Variants in CDH23 observed in about 807,000 individuals in gnomAD.
CDH23 encodes the protein cadherin-23.
CDH23 carries 189 observed loss-of-function variants against 317.1 expected under a neutral mutation model. The ratio of observed to expected loss-of-function variants is 0.60; its 90% CI spans 0.53 to 0.67. The LOEUF (loss-of-function observed/expected upper bound fraction) is 0.67, where lower values mean the gene tolerates loss of function less well. Among genes scored for constraint, CDH23 ranks in the 30% least tolerant of loss-of-function variants. The pLI, the probability that CDH23 is intolerant of heterozygous loss-of-function variation, is 0.00. For missense variants in CDH23, 4,401 were observed against 4,592.4 expected (o/e 0.96, Z 1.20); for synonymous variants, 1,839 against 1,876.8 (o/e 0.98, Z 0.52).
At chr10:71,447,900 A>G (rs759668549) in intron 3 of CDH23, among the ~76,000 whole-genome samples, 15 of 152,216 alleles carry the variant, frequency 9.9e-5, no homozygotes, top group Non-Finnish European at 1.9e-4. Flanking sequence ...TGGAGCCAAC[A>G]TAGCAGCACA....
At chr10:71,752,091 C>T (rs1226979212) in intron 38 of CDH23, 1 of 683,014 alleles carries the variant, frequency 1.5e-6, no homozygotes, top group Non-Finnish European at 2.7e-6. Flanking sequence ...AGAACAGACC[C>T]CAGCTCCTCC....
intron 1 of CDH23, among the ~76,000 whole-genome samples, chr10:71,425,333 A>G (rs1039526000): frequency 8.1e-6 from 1 of 124,202 alleles, no homozygotes; most frequent in Non-Finnish European, 1.7e-5. Context: ...AAGAAAGAAC[A>G]AAGAATAGTC....
At chr10:71,716,216 G>T in intron 28 of CDH23, 4 of 1,551,116 alleles carry the variant, frequency 2.6e-6, no homozygotes, top group Non-Finnish European at 3.5e-6. Context: ...GCAGGCCAGG[G>T]CGATGAGCAT....
chr10:71,615,316 G>A (rs1371700208), intron 9 of CDH23, among the ~76,000 whole-genome samples, 188 bp from the exon 10 acceptor site: 1 of 152,220 alleles, frequency 6.6e-6, no homozygotes, highest in African/African-American at 2.4e-5. Flanking sequence ...ACCCGTTGCT[G>A]TCTGCCGGCT....
intron 38 of CDH23, among the ~76,000 whole-genome samples, chr10:71,764,115 T>C (rs1252535438): frequency 6.6e-6 from 1 of 152,180 alleles, no homozygotes; most frequent in Non-Finnish European, 1.5e-5. Flanking sequence ...GGAAAGTGGT[T>C]GGACTGAAGT....
At chr10:71,458,420 C>T (rs7900305) in intron 3 of CDH23, among the ~76,000 whole-genome samples, 59,830 of 152,190 alleles carry the variant, frequency 0.39, 12,952 homozygotes, top group East Asian at 0.6. Context: ...CGTGTGACCA[C>T]AGGCAAGTCC....
At chr10:71,407,985 AC>A (rs1439254219) in intron 1 of CDH23, among the ~76,000 whole-genome samples, 1 of 152,200 alleles carries the variant, frequency 6.6e-6, no homozygotes, top group Non-Finnish European at 1.5e-5. Flanking sequence ...AGTTGCGATA[AC>A]CTAAAAATCG....
Position 71,813,332 on chromosome 10 carries a change from A to C in CDH23, c.9722A>C (p.His3241Pro), listed in dbSNP as rs2133010029. Reference protein sequence around the residue: ...QRMVQKASSCHSSISELIQTE... With the variant: ...QRMVQKASSCPSSISELIQTE... The stretch of plus-strand genomic sequence containing the variant: ...ATGGTGCAAAAAGCCTCCTCCTGCC[A>C]CTCCTCCATCTCTGAGGTAGCCGGC... Residue 3241 changes from histidine (H) to proline (P), a missense_variant, in exon 69 of 70, where the codon CAC becomes CCC. Around this residue, in one of 3 missense-constraint regions of CDH23, gnomAD observed 1,144 missense variants for 1,138.2 expected, o/e 1.01. Coordinates refer to ENST00000224721, the MANE Select transcript of CDH23 (RefSeq NM_022124.6). The C allele has an allele frequency of 6.4e-7, 1 of 1,551,106 alleles. No individual in the cohort carries two copies. Among genetic ancestry groups the C allele is most frequent in the Non-Finnish European group, 8.7e-7 (1 of 1,146,852 alleles).
intron 26 of CDH23, chr10:71,707,432 G>A (rs1424252930): frequency 2.4e-6 from 3 of 1,264,298 alleles, no homozygotes; most frequent in Non-Finnish European, 3.0e-6. Context: ...ATCCTTCCTT[G>A]GGGACCTGTT....
chr10:71,542,723 G>T (rs796446193), intron 6 of CDH23, among the ~76,000 whole-genome samples: 15 of 152,364 alleles, frequency 9.8e-5, no homozygotes, highest in African/African-American at 3.4e-4. Context: ...ACAGCCTGGT[G>T]CCCTGAGGGA....
In CDH23 at chr10:71,777,793, C is replaced by T. The variant is rs1239867222; in HGVS notation, c.4959C>T (p.Ser1653=). The change falls in exon 39 of 70, where the codon AGC becomes AGT. Residue 1653 remains serine (S), a synonymous_variant. Coordinates refer to ENST00000224721, the MANE Select transcript of CDH23 (RefSeq NM_022124.6). The part of the protein sequence containing the change: ...LDEGPDTLNT[S]LITIQALDLD... The stretch of plus-strand genomic sequence containing the variant: ...AGGGCCCAGACACGCTCAACACCAG[C>T]CTCATCACCATCCAGGCACTGGACC... The T allele has an allele frequency of 4.3e-6, 7 of 1,613,840 alleles. No homozygotes were observed. The highest frequency in any genetic ancestry group is 5.9e-6 in the Non-Finnish European group (7 of 1,179,884).
intron 38 of CDH23, chr10:71,748,465 C>G (rs1437066891): frequency 6.6e-6 from 1 of 152,276 alleles, no homozygotes; most frequent in African/African-American, 2.4e-5. Flanking sequence ...GCAAAACCCT[C>G]CAAATGGTGC....
chr10:71,690,586 T>A lies in CDH23; in HGVS notation c.2176+2T>A. 6.3e-7 allele frequency: 1 copy of A among 1,582,428 alleles called. No homozygotes were observed. The highest frequency in any genetic ancestry group is 2.3e-5 in the East Asian group (1 of 43,382). ...AGTTTCGGATCAATGCCCGCTCAGG[T>A]GAGCCCCCCCACCCCAAGTACCCTG... On this transcript the variant is annotated splice_donor_variant, in intron 20 of 69. Transcript: ENST00000224721. LOFTEE classifies it high-confidence loss of function.
chr10:71,542,984 G>C (rs1564642848), intron 6 of CDH23, among the ~76,000 whole-genome samples: 1 of 152,262 alleles, frequency 6.6e-6, no homozygotes, highest in Non-Finnish European at 1.5e-5. Context: ...TTGGATGGGA[G>C]TGCCCTTGCC....
At chr10:71,610,506 T>C (rs536111472) in intron 9 of CDH23, among the ~76,000 whole-genome samples, 1 of 152,350 alleles carries the variant, frequency 6.6e-6, no homozygotes, top group African/African-American at 2.4e-5. Flanking sequence ...TTGCTAGCCA[T>C]GTGACCTTAG....
At position 71,702,640 on chromosome 10, in the gene CDH23, GC is replaced by G; in HGVS notation, c.2681del (p.Pro894LeufsTer28). 6.2e-7 allele frequency: 1 copy of G among 1,613,962 alleles called. No individual in the cohort carries two copies. Among genetic ancestry groups the G allele is most frequent in the Non-Finnish European group, 8.5e-7 (1 of 1,179,886 alleles). On this transcript the variant is annotated frameshift_variant, in exon 24 of 70. Coordinates refer to ENST00000224721, the MANE Select transcript of CDH23 (RefSeq NM_022124.6). LOFTEE classifies it high-confidence loss of function. ...ACAATGACCCCACCTTTCAGAACCT[GC>G]CTTTTGTGGCCGAGGTGCTTGAAGG... ...NDNDPTFQNL[P>X]FVAEVLEGIP...
intron 9 of CDH23, among the ~76,000 whole-genome samples, chr10:71,602,579 A>C (rs1860291733): frequency 6.6e-6 from 1 of 152,070 alleles, no homozygotes; most frequent in Admixed American, 6.5e-5. Context: ...TAGGATTTGG[A>C]GGGAAGTTTC....
intron 3 of CDH23, among the ~76,000 whole-genome samples, chr10:71,503,899 A>T (rs1184176493): frequency 1.3e-5 from 2 of 152,164 alleles, no homozygotes; most frequent in African/African-American, 2.4e-5. Flanking sequence ...GGCAGCCACA[A>T]ACTTGTCCTG....
At chr10:71,548,152 T>C (rs917007614) in intron 6 of CDH23, among the ~76,000 whole-genome samples, 6 of 152,248 alleles carry the variant, frequency 3.9e-5, no homozygotes, top group Admixed American at 6.5e-5. Context: ...AGGGCTGGGA[T>C]TGGGGAGGGA....
Sources: allele counts gnomAD v4.1 joint callset (sites outside exome capture counted in the v4.1 genomes callset), GRCh38; gene constraint gnomAD v4.1.1; regional missense constraint gnomAD v4.1.1; transcripts MANE v1.5; gene names NCBI Gene and HGNC (gene_info 2026-07-23, HGNC 2026-07-21).